Variants in EIF5B observed in about 807,000 individuals in gnomAD.
EIF5B encodes the protein eukaryotic translation initiation factor 5B, also known as eIF-5B.
EIF5B carries 47 observed loss-of-function variants against 147.5 expected under a neutral mutation model. The observed-to-expected ratio is 0.32, with a 90% CI of 0.25 to 0.41. The LOEUF is 0.41. Among genes scored for constraint, EIF5B ranks in the 10% least tolerant of loss-of-function variants. EIF5B has a pLI of 1.00. For synonymous variants in EIF5B, 455 were observed against 456.2 expected (o/e 1.00, Z 0.03); for missense variants, 1,064 against 1,413.2 (o/e 0.75, Z 3.96).
intron 1 of EIF5B, among the ~76,000 whole-genome samples, chr2:99,348,658 G>C (rs906991286): frequency 6.6e-6 from 1 of 152,182 alleles, no homozygotes; most frequent in African/African-American, 2.4e-5. Flanking sequence ...ATTATTAAGA[G>C]TTTTGGCGGA....
In EIF5B at chr2:99,337,435, G is replaced by C. The variant is rs929263201; in HGVS notation, c.-120G>C. The C allele has an allele frequency of 7.8e-7, 1 of 1,288,036 alleles. No homozygotes were observed. Among genetic ancestry groups the C allele is most frequent in the Non-Finnish European group, 1.1e-6 (1 of 907,772 alleles). The allele number at this position is 1,288,036 out of a possible 1,614,324, so 79.8% of individuals were successfully genotyped here. A position where few individuals can be genotyped will look rare whatever the true frequency, so the allele number is the denominator to read the frequency against. On this transcript the variant is annotated 5_prime_UTR_variant, in exon 1 of 24. Transcript: ENST00000289371. The stretch of plus-strand genomic sequence containing the variant: ...AGTGCGCGGGTCTGTGGAGAGCCGG[G>C]TGCGAGCGGCGGCAGCACGAGGGGA...
At chr2:99,347,712 T>C (rs564322504) in intron 1 of EIF5B, among the ~76,000 whole-genome samples, 155 of 152,282 alleles carry the variant, frequency 1.0e-3, no homozygotes, top group African/African-American at 3.6e-3. Flanking sequence ...TTTTTTTTAT[T>C]TGAACTAGTG....
chr2:99,342,022 C>T (rs1162763326), intron 1 of EIF5B, among the ~76,000 whole-genome samples: 1 of 151,960 alleles, frequency 6.6e-6, no homozygotes, highest in Non-Finnish European at 1.5e-5. Context: ...GTTTAGATTC[C>T]CTAAAGAGAC....
chr2:99,369,427 G>T lies in EIF5B; in HGVS notation c.1423G>T (p.Val475Phe). ...ESMELCAAVE[V>F]MEQGVPEKEE... is the part of the protein sequence containing the mutation. ...AATGGAATTATGTGCTGCTGTAGAA[G>T]TTATGGAACAAGGAGTACCAGAAAA... Residue 475 changes from valine to phenylalanine, a missense_variant, in exon 8 of 24, where the codon GTT (valine) becomes TTT (phenylalanine). Physicochemically the swap from Val to Phe is conservative, Grantham distance 50. This residue lies in a region of EIF5B where 195 missense variants were observed against 186.3 expected (regional missense o/e 1.05). Transcript: ENST00000289371. The T allele has an allele frequency of 6.2e-7, 1 of 1,611,642 alleles. No individual in the cohort carries two copies. Among genetic ancestry groups the T allele is most frequent in the Non-Finnish European group, 8.5e-7 (1 of 1,178,308 alleles).
chr2:99,373,424 A>G (rs1674495787), intron 9 of EIF5B, among the ~76,000 whole-genome samples: 1 of 152,166 alleles, frequency 6.6e-6, no homozygotes, highest in South Asian at 2.1e-4. Context: ...TCTTCACATG[A>G]TGGAAGGGAG....
chr2:99,355,995 A>C (rs1028603975), intron 1 of EIF5B, among the ~76,000 whole-genome samples: 4 of 152,116 alleles, frequency 2.6e-5, no homozygotes, highest in African/African-American at 9.7e-5. Flanking sequence ...CATGTGCCCC[A>C]CACCTAGTTT....
rs748615059 is a variant in EIF5B, at chr2:99,376,596, A to G, written c.1802A>G (p.Lys601Arg). Residue 601 changes from lysine to arginine, a missense_variant, in exon 10 of 24, where the codon AAA becomes AGA. By Grantham distance (26) the Lys-to-Arg change is conservative. Around this residue, in one of 4 missense-constraint regions of EIF5B, gnomAD observed 195 missense variants for 186.3 expected, o/e 1.05. Transcript: ENST00000289371. The part of the protein sequence containing the change: ...SEYDSDDDRT[K>R]EERAYDKAKR... Reference sequence around the variant, plus strand: ...TATGACTCTGATGATGATCGGACTAAAGAAGAAAGGGCTTATGACAAAGCA... The same window carrying G: ...TATGACTCTGATGATGATCGGACTAGAGAAGAAAGGGCTTATGACAAAGCA... The G allele has an allele frequency of 3.7e-6, 6 of 1,612,596 alleles. No individual in the cohort carries two copies. The African/African-American group carries it at 6.7e-5, about 18-fold the overall frequency.
At chr2:99,373,189 A>G (rs1559253182) in intron 9 of EIF5B, among the ~76,000 whole-genome samples, 1 of 152,152 alleles carries the variant, frequency 6.6e-6, no homozygotes, top group African/African-American at 2.4e-5. Context: ...TTCTATCTTT[A>G]TGACTCTTTT....
rs1675343834 is a variant in EIF5B at position 99,401,198 on chromosome 2, T to TTATG, written c.*1785_*1788dup. ...CACTTTGCAAATACCTCACAAGCAC[T>TTATG]TATGGCACAGCTATCAGAGAGCATC... On this transcript the variant is annotated 3_prime_UTR_variant, in exon 24 of 24. Coordinates refer to ENST00000289371, the MANE Select transcript of EIF5B (RefSeq NM_015904.4). 2.4e-6 allele frequency: 3 copies of TTATG among 1,246,376 alleles called. No individual in the cohort carries two copies. The highest frequency in any genetic ancestry group is 3.5e-6 in the Non-Finnish European group (3 of 846,944). The allele number at this position is 1,246,376 out of a possible 1,614,324, so 77.2% of individuals were successfully genotyped here.
At chr2:99,378,584 T>TAA (rs1322668355) in intron 10 of EIF5B, among the ~76,000 whole-genome samples, 1 of 152,246 alleles carries the variant, frequency 6.6e-6, no homozygotes, top group Non-Finnish European at 1.5e-5. Flanking sequence ...TAAAAATCTT[T>TAA]AAAATTCTTA....
chr2:99,399,129 C>T (rs764341664), intron 23 of EIF5B, 178 bp from the exon 24 acceptor site: 19 of 766,202 alleles, frequency 2.5e-5, no homozygotes, highest in African/African-American at 1.6e-4. Flanking sequence ...TAGGTCCCCT[C>T]GTGCCTGACA....
At position 99,376,385 on chromosome 2, in the gene EIF5B, C is replaced by A; in HGVS notation, c.1591C>A (p.Pro531Thr). The change falls in exon 10 of 24, where the codon CCT becomes ACT. Residue 531 changes from proline (P) to threonine (T), a missense_variant. Coordinates refer to ENST00000289371, the MANE Select transcript of EIF5B (RefSeq NM_015904.4). ...AGTTCATATAGAAGTAAAAGAAAAC[C>A]CTGAAGAGGAGGAGGAGGAGGAAGA... The part of the protein sequence containing the change: ...NKVHIEVKEN[P>T]EEEEEEEEEE... 1.3e-5 allele frequency: 19 copies of A among 1,512,428 alleles called. No homozygotes were observed. Among genetic ancestry groups the A allele is most frequent in the African/African-American group, 4.3e-5 (3 of 70,566 alleles). The allele number at this position is 1,512,428 out of a possible 1,614,324, so 93.7% of individuals were successfully genotyped here. A position where few individuals can be genotyped will look rare whatever the true frequency, so the allele number is the denominator to read the frequency against.
intron 1 of EIF5B, 48 bp downstream of exon 1, chr2:99,337,637 G>A (rs2094246154): frequency 6.3e-7 from 1 of 1,581,230 alleles, no homozygotes; most frequent in East Asian, 2.3e-5. Flanking sequence ...TGGCTCAGTG[G>A]AGTGTGCGGG....
In EIF5B at chr2:99,361,318, T is replaced by C. The variant is rs368947558; in HGVS notation, c.417T>C (p.Asp139=). ...PKVEMYSGSD[D]DDDFNKLPKK... ...TGGAAATGTACTCTGGGAGTGATGA[T>C]GATGATGATTTTAACAAACTTCCTA... The change falls in exon 4 of 24, where the codon GAT becomes GAC. Residue 139 remains aspartate (D), a synonymous_variant. Transcript: ENST00000289371. The C allele has an allele frequency of 6.2e-7, 1 of 1,608,732 alleles. No individual in the cohort carries two copies. Among genetic ancestry groups the C allele is most frequent in the Non-Finnish European group, 8.5e-7 (1 of 1,178,808 alleles).
chr2:99,354,512 A>G (rs550921513), intron 1 of EIF5B, among the ~76,000 whole-genome samples: 3 of 152,208 alleles, frequency 2.0e-5, no homozygotes, highest in Non-Finnish European at 2.9e-5. Context: ...TTTCACAGCA[A>G]AAGTTTTTGA....
chr2:99,355,610 G>GTTTTTT (rs67037124), intron 1 of EIF5B, among the ~76,000 whole-genome samples: 2 of 98,612 alleles, frequency 2.0e-5, no homozygotes, highest in Non-Finnish European at 3.9e-5. Context: ...TGTTTTTTGG[G>GTTTTTT]TTTTTTTTTT....
chr2:99,380,176 C>A (rs1047968116), intron 12 of EIF5B, among the ~76,000 whole-genome samples: 3 of 152,028 alleles, frequency 2.0e-5, no homozygotes, highest in Non-Finnish European at 2.9e-5. Flanking sequence ...TTCTTTTAAC[C>A]AGCTTTTAAA....
chr2:99,360,619 G>A, intron 3 of EIF5B, 70 bp downstream of exon 3: 2 of 1,489,678 alleles, frequency 1.3e-6, no homozygotes, highest in East Asian at 2.4e-5. Context: ...TTGGTTTGGG[G>A]AGCTACATTT....
chr2:99,337,512 G>T lies in EIF5B; in HGVS notation c.-43G>T. 1 of 1,604,864 alleles carries T rather than the reference G, an allele frequency of 6.2e-7. No homozygotes were observed. Among genetic ancestry groups the T allele is most frequent in the South Asian group, 1.1e-5 (1 of 89,774 alleles). ...GCCGGGAGACAGTGGGTCTGTGAGA[G>T]ACCGAATAGAGGGGCTGGGGCCACG... is the stretch of plus-strand genomic sequence containing the variant. On this transcript the variant is annotated 5_prime_UTR_variant, in exon 1 of 24. Coordinates refer to ENST00000289371, the MANE Select transcript of EIF5B (RefSeq NM_015904.4).
Sources: gnomAD v4.1 joint callset for allele counts (sites outside exome capture counted in the v4.1 genomes callset) on GRCh38, gnomAD v4.1.1 for gene constraint, gnomAD v4.1.1 regional missense constraint, MANE v1.5 for transcripts, NCBI Gene and HGNC (gene_info 2026-07-23, HGNC 2026-07-21) for gene names.